The following CTNNA3 variants were observed in gnomAD, a reference collection of about 807,000 sequenced individuals.
CTNNA3 encodes catenin alpha-3.
CTNNA3 carries 76 observed loss-of-function variants against 95.7 expected under a neutral mutation model. The observed-to-expected ratio is 0.79, with a 90% CI of 0.66 to 0.96. The LOEUF (loss-of-function observed/expected upper bound fraction) is 0.96, where lower values mean the gene tolerates loss of function less well. CTNNA3 is among the 40% of genes least tolerant of loss of function. The pLI, the probability that CTNNA3 is intolerant of heterozygous loss-of-function variation, is 0.00. For missense variants in CTNNA3, 1,191 were observed against 1,089.8 expected (o/e 1.09, Z -1.31); for synonymous variants, 431 against 374.4 (o/e 1.15, Z -1.74).
chr10:66,986,875 A>G (rs1850756528), intron 7 of CTNNA3, among the ~76,000 whole-genome samples: 1 of 152,132 alleles, frequency 6.6e-6, no homozygotes, highest in African/African-American at 2.4e-5. Flanking sequence ...TACACTAGAC[A>G]CTGTGAATAC....
In CTNNA3 at chr10:66,140,461, C is replaced by CAATT. The variant is rs2083556957; in HGVS notation, c.1885-37216_1885-37213dup. On this transcript the variant is annotated intron_variant, in intron 13 of 17. Coordinates refer to ENST00000433211, the MANE Select transcript of CTNNA3 (RefSeq NM_013266.4). ...TTTAGTCTCCTGACATTTTATAATA[C>CAATT]AATTAACCTGAAGAACAGAGATCTA... 2.6e-5 allele frequency among the ~76,000 whole-genome samples: 4 copies of CAATT among 152,130 alleles called. No homozygotes were observed. The South Asian group carries it at 8.3e-4, about 32-fold the overall frequency.
At chr10:67,751,190 A>G in intron 1 of CTNNA3, 1 of 1,278,170 alleles carries the variant, frequency 7.8e-7, no homozygotes, top group Non-Finnish European at 1.1e-6. Context: ...ACATGTTGCA[A>G]TCCTCTCATT....
chr10:67,702,918 A>G (rs1001329020), intron 1 of CTNNA3, among the ~76,000 whole-genome samples: 2 of 152,182 alleles, frequency 1.3e-5, no homozygotes, highest in Non-Finnish European at 2.9e-5. Flanking sequence ...AATCAAATAG[A>G]CGCAATAAAA....
intron 10 of CTNNA3, among the ~76,000 whole-genome samples, chr10:66,529,589 A>T (rs1291613798): frequency 6.6e-6 from 1 of 152,070 alleles, no homozygotes; most frequent in South Asian, 2.1e-4. Context: ...GGTTTTCTTC[A>T]AAAAAGTTAT....
rs1843240253 is a variant in CTNNA3, at chr10:66,845,726, A to ACT, written c.1048-70203_1048-70202insAG. Among the ~76,000 whole-genome samples the ACT allele has an allele frequency of 3.1e-4, 33 of 106,246 alleles. 2 individuals are homozygous for ACT. The highest frequency in any genetic ancestry group is 9.0e-4 in the African/African-American group (28 of 31,016). 69.7% of individuals were successfully genotyped at this position (106,246 alleles called of 152,430 possible). The stretch of plus-strand genomic sequence containing the variant: ...CTCAAAAAAAAAAAAAAAAAAAAAA[A>ACT]AAACTAAAAAGGTGAGATATATATA... On this transcript the variant is annotated intron_variant, in intron 7 of 17. Coordinates refer to ENST00000433211, the MANE Select transcript of CTNNA3 (RefSeq NM_013266.4).
Position 67,251,616 on chromosome 10 carries a change from C to T in CTNNA3, c.580-31746G>A, listed in dbSNP as rs1395191530. ...GAAGGATGCTAATACTTTGGCAGCT[C>T]AGAACCAATGAGGAAGAAGAGGAAG... On this transcript the variant is annotated intron_variant, in intron 5 of 17. Coordinates refer to ENST00000433211, the MANE Select transcript of CTNNA3 (RefSeq NM_013266.4). Among the ~76,000 whole-genome samples the T allele has an allele frequency of 2.0e-5, 3 of 152,166 alleles. 1 individual carries two copies. The highest frequency in any genetic ancestry group is 4.4e-5 in the Non-Finnish European group (3 of 68,012).
intron 7 of CTNNA3, among the ~76,000 whole-genome samples, chr10:66,876,208 C>T (rs924374604): frequency 2.6e-5 from 4 of 151,982 alleles, no homozygotes; most frequent in Admixed American, 1.3e-4. Flanking sequence ...CTAAGAATTC[C>T]GCTCTGAAAA....
chr10:67,305,311 A>G (rs374644894), intron 5 of CTNNA3, among the ~76,000 whole-genome samples: 16 of 151,472 alleles, frequency 1.1e-4, no homozygotes, highest in African/African-American at 3.6e-4. Context: ...ACATGTATAC[A>G]TATGTAACTA....
intron 1 of CTNNA3, among the ~76,000 whole-genome samples, chr10:67,689,685 A>G (rs1251925506): frequency 6.6e-6 from 1 of 152,066 alleles, no homozygotes; most frequent in Admixed American, 6.6e-5. Flanking sequence ...CCTCTCTGTC[A>G]ACCCTCGGCT....
chr10:66,561,079 A>G (rs550881784), intron 10 of CTNNA3, among the ~76,000 whole-genome samples: 1 of 152,214 alleles, frequency 6.6e-6, no homozygotes, highest in East Asian at 1.9e-4. Flanking sequence ...CTCTTTAAAA[A>G]AATAAAAATA....
At chr10:66,994,678 T>A (rs1851232625) in intron 7 of CTNNA3, among the ~76,000 whole-genome samples, 1 of 152,162 alleles carries the variant, frequency 6.6e-6, no homozygotes, top group Non-Finnish European at 1.5e-5. Flanking sequence ...CCAAACAGAA[T>A]TTTCAACATT....
chr10:67,691,286 G>A (rs1488598678), intron 1 of CTNNA3, among the ~76,000 whole-genome samples: 6 of 152,212 alleles, frequency 3.9e-5, no homozygotes, highest in East Asian at 3.9e-4. Context: ...CCAAAGTGCC[G>A]AGATTGCAGC....
intron 10 of CTNNA3, among the ~76,000 whole-genome samples, chr10:66,614,027 T>C (rs1844421923): frequency 6.6e-6 from 1 of 152,060 alleles, no homozygotes; most frequent in Non-Finnish European, 1.5e-5. Flanking sequence ...CCCATACAAA[T>C]AAGCACATAG....
intron 5 of CTNNA3, among the ~76,000 whole-genome samples, chr10:67,273,213 G>A (rs935909975): frequency 1.3e-5 from 2 of 151,912 alleles, no homozygotes; most frequent in African/African-American, 4.8e-5. Flanking sequence ...ATATATGAAA[G>A]TGCTTACAAC....
At chr10:66,670,660 G>T (rs1235631110) in intron 9 of CTNNA3, among the ~76,000 whole-genome samples, 1 of 152,046 alleles carries the variant, frequency 6.6e-6, no homozygotes, top group East Asian at 1.9e-4. Context: ...GGATAATCTA[G>T]GCTAATCTCC....
intron 5 of CTNNA3, among the ~76,000 whole-genome samples, chr10:67,407,669 A>C (rs1434051995): frequency 1.3e-5 from 2 of 152,158 alleles, no homozygotes; most frequent in Admixed American, 6.6e-5. Context: ...AGAAAACCCC[A>C]CTGACTCACC....
At chr10:66,361,841 C>T (rs574991879) in intron 12 of CTNNA3, among the ~76,000 whole-genome samples, 5 of 151,680 alleles carry the variant, frequency 3.3e-5, no homozygotes, top group African/African-American at 1.2e-4. Flanking sequence ...CCCAACCTAA[C>T]CATTCTTTTT....
chr10:66,722,291 G>T (rs958053065), intron 9 of CTNNA3, among the ~76,000 whole-genome samples: 25 of 151,656 alleles, frequency 1.6e-4, no homozygotes, highest in Non-Finnish European at 2.5e-4. Flanking sequence ...GGCAGGAGAA[G>T]GATGTGAACC....
At chr10:66,182,849 ATTAC>A in intron 13 of CTNNA3, among the ~76,000 whole-genome samples, 1 of 152,280 alleles carries the variant, frequency 6.6e-6, no homozygotes, top group South Asian at 2.1e-4. Context: ...AAATTTATTT[ATTAC>A]TTACTCTATT....
Sources: allele counts gnomAD v4.1 joint callset (sites outside exome capture counted in the v4.1 genomes callset), GRCh38; gene constraint gnomAD v4.1.1; transcripts MANE v1.5; gene names NCBI Gene and HGNC (gene_info 2026-07-23, HGNC 2026-07-21).